The following SLC26A5 variants were observed in gnomAD, a reference collection of about 807,000 sequenced individuals.
SLC26A5 encodes solute carrier family 26 member 5.
A neutral mutation model predicts 81.0 loss-of-function variants in SLC26A5; 51 were observed. The observed-to-expected ratio is 0.63, with a 90% confidence interval of 0.50 to 0.80. The LOEUF is 0.80. Among genes scored for constraint, SLC26A5 ranks in the 30% least tolerant of loss-of-function variants. SLC26A5 has a pLI of 0.00. For synonymous variants in SLC26A5, 325 were observed against 332.8 expected, an observed-to-expected ratio of 0.98 and a Z score of 0.25; for missense variants, 771 against 905.8, an observed-to-expected ratio of 0.85 and a Z score of 1.91.
intron 19 of SLC26A5, among the ~76,000 whole-genome samples, chr7:103,364,978 TA>T (rs1820626051): frequency 6.9e-6 from 1 of 145,658 alleles, no homozygotes; most frequent in Non-Finnish European, 1.5e-5. Context: ...TATATATATA[TA>T]TATATTTAGA....
In SLC26A5 at chr7:103,411,587, C is replaced by G; in HGVS notation, c.404-1G>C. The G allele has an allele frequency of 1.2e-6, 2 of 1,614,074 alleles. No homozygotes were observed. Among genetic ancestry groups the G allele is most frequent in the Non-Finnish European group, 1.7e-6 (2 of 1,179,998 alleles). ...ATCAGGCTAATAACAGCAAAAGGAC[C>G]TGAAATAATGAAGCATGAAGATCCC... On this transcript the variant is annotated splice_acceptor_variant, in intron 5 of 19. Coordinates refer to ENST00000306312, the MANE Select transcript of SLC26A5 (RefSeq NM_198999.3). LOFTEE classifies it high-confidence loss of function.
At chr7:103,420,493 G>A (rs567966167) in intron 4 of SLC26A5, among the ~76,000 whole-genome samples, 2 of 152,048 alleles carry the variant, frequency 1.3e-5, no homozygotes, top group East Asian at 3.9e-4. Flanking sequence ...TAGAGACAGT[G>A]TCTCACTTTG....
At chr7:103,416,812 AT>A (rs1439252175) in intron 4 of SLC26A5, among the ~76,000 whole-genome samples, 1 of 151,754 alleles carries the variant, frequency 6.6e-6, no homozygotes, top group African/African-American at 2.4e-5. Context: ...TTTTAGAGGG[AT>A]TTTTAAGACA....
chr7:103,364,128 G>A (rs141423831), intron 19 of SLC26A5: 3 of 1,609,514 alleles, frequency 1.9e-6, no homozygotes, highest in East Asian at 2.2e-5. Flanking sequence ...TGTGAAAATT[G>A]TGTCTCTATC....
In SLC26A5 at chr7:103,378,503, C is replaced by T. The variant is rs750281878; in HGVS notation, c.1728G>A (p.Arg576=). 5.0e-6 allele frequency: 8 copies of T among 1,614,062 alleles called. No homozygotes were observed. The East Asian group carries it at 8.9e-5, about 18-fold the overall frequency. The change falls in exon 17 of 20, where the codon CGG becomes CGA. Residue 576 remains arginine, a synonymous_variant. Coordinates refer to ENST00000306312, the MANE Select transcript of SLC26A5 (RefSeq NM_198999.3). ...CATTTCCGACTTCCTTAGCGTACTT[C>T]CGCATGGCCTTTCTCCTTGCTCCCA... ...VIMGARRKAM[R]KYAKEVGNAN... is the part of the protein sequence containing the mutation.
chr7:103,397,492 G>A (rs1206739509), intron 9 of SLC26A5, among the ~76,000 whole-genome samples: 6 of 133,752 alleles, frequency 4.5e-5, no homozygotes, highest in African/African-American at 1.8e-4. Flanking sequence ...AGTGAGCCGA[G>A]ATCATGCCAC....
rs1340061857 is a variant in SLC26A5, at chr7:103,374,594, T to C, written c.2042-2A>G. The C allele has an allele frequency of 3.7e-6, 6 of 1,613,266 alleles. No individual in the cohort carries two copies. Among genetic ancestry groups the C allele is most frequent in the African/African-American group, 1.3e-5 (1 of 74,828 alleles). On this transcript the variant is annotated splice_acceptor_variant, in intron 19 of 19. Transcript: ENST00000306312. LOFTEE classifies it high-confidence loss of function. The stretch of plus-strand genomic sequence containing the variant: ...GAGTGAGGTCATTCACAACTTGTGC[T>C]ATTAAAAGAAGAAAAGAAAATTAGT...
chr7:103,403,191 G>A (rs1823747131), intron 8 of SLC26A5, among the ~76,000 whole-genome samples: 3 of 152,182 alleles, frequency 2.0e-5, no homozygotes, highest in Admixed American at 6.5e-5. Flanking sequence ...TTTTGAGTGA[G>A]TTTCTTGATC....
intron 5 of SLC26A5, 53 bp from the exon 6 acceptor site, chr7:103,411,639 G>C: frequency 1.9e-6 from 3 of 1,601,386 alleles, no homozygotes; most frequent in Non-Finnish European, 2.6e-6. Context: ...TATCTGATAT[G>C]GTTTTTGCCA....
chr7:103,439,757 C>T (rs571656301), intron 2 of SLC26A5, among the ~76,000 whole-genome samples: 1 of 152,312 alleles, frequency 6.6e-6, no homozygotes, highest in South Asian at 2.1e-4. Context: ...TGGTCTCGGA[C>T]TCCTGGCCTC....
chr7:103,407,788 C>A, intron 8 of SLC26A5, 63 bp downstream of exon 8: 1 of 1,582,594 alleles, frequency 6.3e-7, no homozygotes, highest in East Asian at 2.3e-5. Context: ...TTCAAAATCC[C>A]TCACAGAAAT....
intron 19 of SLC26A5, chr7:103,368,008 C>T (rs781059128): frequency 6.2e-7 from 1 of 1,613,932 alleles, no homozygotes; most frequent in Non-Finnish European, 8.5e-7. Context: ...GTCATTAAGT[C>T]TTATGCCAAA....
chr7:103,374,512 C>A lies in SLC26A5; in HGVS notation c.2122G>T (p.Asp708Tyr). The A allele has an allele frequency of 6.2e-7, 1 of 1,613,982 alleles. No homozygotes were observed. Among genetic ancestry groups the A allele is most frequent in the Non-Finnish European group, 8.5e-7 (1 of 1,180,008 alleles). Residue 708 changes from aspartate to tyrosine, a missense_variant, in exon 20 of 20, where the codon GAT (aspartate) becomes TAT (tyrosine). Transcript: ENST00000306312. The stretch of plus-strand genomic sequence containing the variant: ...CTAAGTTGGCTGCCTAAAACTGCAT[C>A]ATGAATGCTGTGGAACAGCAGCTCC... ...LWELLFHSIH[D>Y]AVLGSQLREA...
chr7:103,419,346 T>C (rs1825159287), intron 4 of SLC26A5, among the ~76,000 whole-genome samples: 1 of 152,182 alleles, frequency 6.6e-6, no homozygotes, highest in Non-Finnish European at 1.5e-5. Context: ...GGCCTACTTC[T>C]GCCCACCTCG....
intron 14 of SLC26A5, among the ~76,000 whole-genome samples, chr7:103,386,708 C>CA (rs1339323801): frequency 3.3e-5 from 5 of 151,950 alleles, no homozygotes; most frequent in Non-Finnish European, 1.5e-5. Flanking sequence ...ACACCACCAC[C>CA]AGCAAAAAAA....
chr7:103,358,610 A>G (rs114526310), intron 19 of SLC26A5, among the ~76,000 whole-genome samples: 2,817 of 151,706 alleles, frequency 0.019, 81 homozygotes, highest in African/African-American at 0.065. Flanking sequence ...TTAATTTCTC[A>G]GGTAAAAAAA....
intron 5 of SLC26A5, 86 bp from the exon 6 acceptor site, chr7:103,411,672 G>C: frequency 6.8e-7 from 1 of 1,460,754 alleles, no homozygotes; most frequent in Non-Finnish European, 9.6e-7. Context: ...ACAAAGGTGA[G>C]GTCAAGAAAT....
rs1419849277 is a variant in SLC26A5, at chr7:103,379,394, A to G, written c.1585-59T>C. On this transcript the variant is annotated intron_variant, in intron 15 of 19. Transcript: ENST00000306312. Reference sequence around the variant, plus strand: ...GGAAATATTTCAGAATCAAAACTGCATAGCTTCCCCACCCCAAATAGAAAA... The same window carrying G: ...GGAAATATTTCAGAATCAAAACTGCGTAGCTTCCCCACCCCAAATAGAAAA... The G allele has an allele frequency of 8.0e-6, 9 of 1,122,004 alleles. No homozygotes were observed. The East Asian group carries it at 1.5e-4, about 18-fold the overall frequency. 69.5% of individuals were successfully genotyped at this position (1,122,004 alleles called of 1,614,324 possible). A position where few individuals can be genotyped will look rare whatever the true frequency, so the allele number is the denominator to read the frequency against.
chr7:103,390,467 T>C lies in SLC26A5; in HGVS notation c.1273A>G (p.Ile425Val), dbSNP rs1177257016. Residue 425 changes from isoleucine (I) to valine (V), a missense_variant, in exon 12 of 20, where the codon ATA becomes GTA. Coordinates refer to ENST00000306312, the MANE Select transcript of SLC26A5 (RefSeq NM_198999.3). ...CLASLMILLVILATGFLFESL... is the reference protein window; with the variant it reads ...CLASLMILLVVLATGFLFESL... ...TCAAAGAGGAATCCAGTTGCTAATA[T>C]GACCAGCAGAATCATTAATGAGGCC... 2.5e-6 allele frequency: 4 copies of C among 1,614,066 alleles called. No individual in the cohort carries two copies. Among genetic ancestry groups the C allele is most frequent in the Non-Finnish European group, 3.4e-6 (4 of 1,180,042 alleles).
Sources: allele counts gnomAD v4.1 joint callset (sites outside exome capture counted in the v4.1 genomes callset), GRCh38; gene constraint gnomAD v4.1.1; transcripts MANE v1.5; gene names NCBI Gene and HGNC (gene_info 2026-07-23, HGNC 2026-07-21).